The following TAB2 variants were observed in gnomAD, a reference collection of about 807,000 sequenced individuals.
TAB2 encodes the protein TGF-beta activated kinase 1 (MAP3K7) binding protein 2, also known as TGF-beta-activated kinase 1 and MAP3K7-binding protein 2.
TAB2 carries 3 observed loss-of-function variants against 65.0 expected under a neutral mutation model. The ratio of observed to expected loss-of-function variants is 0.05; its 90% confidence interval spans 0.02 to 0.12. The LOEUF (loss-of-function observed/expected upper bound fraction) is 0.12, where lower values mean the gene tolerates loss of function less well. TAB2 is among the 10% of genes least tolerant of loss of function. TAB2 has a pLI of 1.00. For synonymous variants in TAB2, 298 were observed against 285.1 expected, an observed-to-expected ratio of 1.05 and a Z score of -0.46; for missense variants, 623 against 840.3, an observed-to-expected ratio of 0.74 and a Z score of 3.20.
chr6:149,403,247 AATATATATATATATATATATATAT>A (rs71010865), intron 6 of TAB2, among the ~76,000 whole-genome samples: 9 of 44,044 alleles, frequency 2.0e-4, no homozygotes, highest in Admixed American at 1.8e-3. Context: ...AAAAAAAAAA[AATATATATATATATATATATATAT>A]ATATATATAT....
intron 1 of TAB2, among the ~76,000 whole-genome samples, chr6:149,348,436 G>T (rs183131520): frequency 7.0e-5 from 10 of 142,928 alleles, no homozygotes; most frequent in Admixed American, 6.2e-4. Context: ...AAGAAAGAAA[G>T]AAAAAAAAAA....
intron 1 of TAB2, among the ~76,000 whole-genome samples, chr6:149,330,957 C>T (rs545030872): frequency 6.6e-6 from 1 of 152,232 alleles, no homozygotes; most frequent in Admixed American, 6.5e-5. Context: ...TTTCTGGATT[C>T]TCTGTTCTGT....
At chr6:149,315,453 C>A (rs1434373559), upstream of TAB2, among the ~76,000 whole-genome samples, 2 of 152,062 alleles carry the variant, frequency 1.3e-5, no homozygotes, top group African/African-American at 4.8e-5. Flanking sequence ...ATATCATGTT[C>A]TTTTACCCCT....
intron 3 of TAB2, among the ~76,000 whole-genome samples, chr6:149,382,752 G>A (rs184794965): frequency 5.9e-5 from 9 of 152,144 alleles, no homozygotes; most frequent in African/African-American, 2.2e-4. Flanking sequence ...GTACAACACT[G>A]TGGGGGCCAC....
rs113281324 is a variant in TAB2, at chr6:149,232,450, T to A, written c.-121+13674T>A. Among the ~76,000 whole-genome samples the A allele has an allele frequency of 7.6e-4, 115 of 152,218 alleles. No homozygotes were observed. In the Middle Eastern group the frequency reaches 0.01, roughly 14 times the overall value. On this transcript the variant is annotated intron_variant, in intron 1 of 1. Transcript: ENST00000606202. ...ACCATTTTGCCAGGCTGGTCTAGGA[T>A]TCCTGACCTCAAGTGTTCCGCCTGC...
Sources: allele counts gnomAD v4.1 joint callset (sites outside exome capture counted in the v4.1 genomes callset), GRCh38; gene constraint gnomAD v4.1.1; transcripts MANE v1.5; gene names NCBI Gene and HGNC (gene_info 2026-07-23, HGNC 2026-07-21).